PSMA1: variants seen among roughly 807,000 people sequenced by gnomAD.
PSMA1 encodes proteasome subunit alpha type-1.
Under a neutral mutation model 38.4 loss-of-function variants are expected in PSMA1, and 3 were observed. That is an observed-to-expected ratio of 0.08 (90% CI 0.04 to 0.20). PSMA1 has a LOEUF of 0.20. PSMA1 is among the 10% of genes least tolerant of loss of function. PSMA1 has a pLI of 1.00. For synonymous variants in PSMA1, 101 were observed against 107.1 expected (o/e 0.94, Z 0.35); for missense variants, 227 against 325.3 (o/e 0.70, Z 2.32).
At chr11:14,573,190 C>A (rs1445464597) in intron 2 of PSMA1, among the ~76,000 whole-genome samples, 1 of 152,166 alleles carries the variant, frequency 6.6e-6, no homozygotes, top group Non-Finnish European at 1.5e-5. Flanking sequence ...TGATACCAAG[C>A]CTGGCAGAGA....
chr11:14,553,635 G>T (rs1212813007), intron 2 of PSMA1, among the ~76,000 whole-genome samples: 1 of 151,248 alleles, frequency 6.6e-6, no homozygotes, highest in African/African-American at 2.4e-5. Context: ...CATACAAATT[G>T]TTGCATGTAC....
In PSMA1 at chr11:14,638,506, C is replaced by CCTCTCTCTCT. The variant is rs374243163; in HGVS notation, c.-166+4939_-166+4948dup. Among the ~76,000 whole-genome samples, 39 of 31,912 alleles carry CCTCTCTCTCT rather than the reference C, an allele frequency of 1.2e-3. 2 individuals are homozygous for CCTCTCTCTCT. Among genetic ancestry groups the CCTCTCTCTCT allele is most frequent in the African/African-American group, 2.2e-3 (18 of 8,100 alleles). The allele number at this position is 31,912 out of a possible 152,430, so 20.9% of individuals were successfully genotyped here. ...TAAGTTGGCTTAGTGGAGAAACACA[C>CCTCTCTCTCT]CTCTCTCTCTCTCTCTCTCTCTCTC... On this transcript the variant is annotated intron_variant, in intron 1 of 10. Transcript: ENST00000418988.
chr11:14,606,662 A>G (rs1218830214), intron 2 of PSMA1, among the ~76,000 whole-genome samples: 1 of 152,236 alleles, frequency 6.6e-6, no homozygotes, highest in East Asian at 1.9e-4. Context: ...AGAAATGGCA[A>G]CATTAAAAAG....
intron 2 of PSMA1, among the ~76,000 whole-genome samples, chr11:14,567,556 T>C (rs1337441744): frequency 6.6e-6 from 1 of 152,238 alleles, no homozygotes; most frequent in Non-Finnish European, 1.5e-5. Flanking sequence ...TATTCATGAA[T>C]GGATTTGCCT....
chr11:14,511,000 G>A, intron 7 of PSMA1, 49 bp from the exon 8 acceptor site: 1 of 1,273,198 alleles, frequency 7.9e-7, no homozygotes, highest in Non-Finnish European at 1.1e-6. Context: ...TGTTATGCTA[G>A]GCTTCTGTTA....
At chr11:14,636,547 G>A (rs918028601) in intron 1 of PSMA1, among the ~76,000 whole-genome samples, 4 of 151,950 alleles carry the variant, frequency 2.6e-5, no homozygotes, top group African/African-American at 9.7e-5. Flanking sequence ...TTCTCCCAGG[G>A]TTCCACTTCT....
intron 2 of PSMA1, among the ~76,000 whole-genome samples, chr11:14,577,463 G>A (rs780417575): frequency 3.3e-5 from 5 of 152,000 alleles, no homozygotes; most frequent in Admixed American, 6.6e-5. Flanking sequence ...CACTTCCACT[G>A]TCATACTGTG....
intron 2 of PSMA1, among the ~76,000 whole-genome samples, chr11:14,593,661 A>AGCGC (rs1554971835): frequency 3.0e-5 from 4 of 131,546 alleles, no homozygotes; most frequent in Non-Finnish European, 6.5e-5. Context: ...AGAGAGAGAG[A>AGCGC]GCGCCAGCCC....
intron 2 of PSMA1, among the ~76,000 whole-genome samples, chr11:14,530,190 A>G (rs1175298178): frequency 6.6e-6 from 1 of 152,154 alleles, no homozygotes. Flanking sequence ...GTTTCATTAA[A>G]GCCTCTTTCC....
chr11:14,622,131 G>C (rs1363201247), intron 1 of PSMA1, among the ~76,000 whole-genome samples: 2 of 152,144 alleles, frequency 1.3e-5, no homozygotes, highest in African/African-American at 4.8e-5. Context: ...CAGGAGTTCG[G>C]AGTCAAGCAA....
chr11:14,576,468 T>G (rs1017373036), intron 2 of PSMA1, among the ~76,000 whole-genome samples: 9 of 152,268 alleles, frequency 5.9e-5, no homozygotes, highest in African/African-American at 2.2e-4. Context: ...AAGGTGTAAG[T>G]AAGGGATTCA....
At chr11:14,515,177 A>G (rs2134147230) in intron 4 of PSMA1, among the ~76,000 whole-genome samples, 1 of 152,346 alleles carries the variant, frequency 6.6e-6, no homozygotes, top group African/African-American at 2.4e-5. Context: ...GGTTGACTAC[A>G]GGAACCAAGC....
intron 2 of PSMA1, among the ~76,000 whole-genome samples, chr11:14,607,161 G>A (rs1032222488): frequency 6.6e-6 from 1 of 152,190 alleles, no homozygotes; most frequent in Non-Finnish European, 1.5e-5. Context: ...GCAGAGAGCC[G>A]ACAGGAGTAT....
At chr11:14,565,337 A>G (rs935171818) in intron 2 of PSMA1, among the ~76,000 whole-genome samples, 1 of 152,284 alleles carries the variant, frequency 6.6e-6, no homozygotes, top group South Asian at 2.1e-4. Context: ...TTTTCAAAGA[A>G]CCAGCTCTTA....
At chr11:14,565,162 G>A (rs1852054744) in intron 2 of PSMA1, among the ~76,000 whole-genome samples, 1 of 152,160 alleles carries the variant, frequency 6.6e-6, no homozygotes, top group Admixed American at 6.5e-5. Flanking sequence ...AAACTAAGTT[G>A]TCAAATTTAT....
chr11:14,593,525 T>C (rs1852447030), intron 2 of PSMA1, among the ~76,000 whole-genome samples: 1 of 150,994 alleles, frequency 6.6e-6, no homozygotes. Flanking sequence ...CTAAGAGCCA[T>C]GGTGGGAAGA....
At chr11:14,562,993 T>C (rs977375249) in intron 2 of PSMA1, among the ~76,000 whole-genome samples, 2 of 152,226 alleles carry the variant, frequency 1.3e-5, no homozygotes, top group Non-Finnish European at 2.9e-5. Context: ...ATGTCATTTA[T>C]GTAATCTTTC....
intron 8 of PSMA1, 115 bp downstream of exon 8, chr11:14,510,757 G>T: frequency 3.3e-6 from 2 of 597,432 alleles, no homozygotes; most frequent in Non-Finnish European, 5.3e-6. Context: ...AAAAGAATCT[G>T]CCAAGACAAT....
intron 1 of PSMA1, among the ~76,000 whole-genome samples, chr11:14,630,024 G>A (rs1852978229): frequency 6.6e-6 from 1 of 151,790 alleles, no homozygotes; most frequent in Non-Finnish European, 1.5e-5. Flanking sequence ...TGTATCCTGA[G>A]ACTTTGCTGA....
Sources: allele counts gnomAD v4.1 joint callset (sites outside exome capture counted in the v4.1 genomes callset), GRCh38; gene constraint gnomAD v4.1.1; transcripts MANE v1.5; gene names NCBI Gene and HGNC (gene_info 2026-07-23, HGNC 2026-07-21).